Variants in PLD5 observed in about 807,000 individuals in gnomAD.
The protein encoded by PLD5 is inactive phospholipase D5.
In PLD5, 36 loss-of-function variants were observed where a neutral mutation model predicts 61.1. The ratio of observed to expected loss-of-function variants is 0.59; its 90% CI spans 0.45 to 0.78. PLD5 has a LOEUF of 0.78. Among genes scored for constraint, PLD5 ranks in the 30% least tolerant of loss-of-function variants. The pLI is 0.00. For missense variants in PLD5, 515 were observed against 644.4 expected (o/e 0.80, Z 2.17); for synonymous variants, 243 against 242.8 (o/e 1.00, Z -0.01).
chr1:242,333,915 T>A (rs1443502609), intron 2 of PLD5, among the ~76,000 whole-genome samples: 1 of 152,206 alleles, frequency 6.6e-6, no homozygotes, highest in Non-Finnish European at 1.5e-5. Flanking sequence ...AGAACTTAGG[T>A]TGATTGCATA....
At chr1:242,217,377 C>T (rs1670281586) in intron 5 of PLD5, among the ~76,000 whole-genome samples, 1 of 152,168 alleles carries the variant, frequency 6.6e-6, no homozygotes, top group Non-Finnish European at 1.5e-5. Flanking sequence ...AATCCCAGCA[C>T]TTTGGGAGGC....
At chr1:242,179,105 C>T (rs1667356222) in intron 5 of PLD5, among the ~76,000 whole-genome samples, 1 of 152,158 alleles carries the variant, frequency 6.6e-6, no homozygotes, top group South Asian at 2.1e-4. Flanking sequence ...TCATGCAGAG[C>T]AATGTGGGAG....
chr1:242,406,550 G>A (rs1468768037), intron 1 of PLD5, among the ~76,000 whole-genome samples: 1 of 152,194 alleles, frequency 6.6e-6, no homozygotes. Flanking sequence ...ACCATCTGTG[G>A]TCCAGGTTTC....
intron 1 of PLD5, among the ~76,000 whole-genome samples, chr1:242,414,659 A>G (rs973734237): frequency 6.6e-6 from 1 of 152,242 alleles, no homozygotes; most frequent in African/African-American, 2.4e-5. Context: ...ACTCGGATGT[A>G]AATAAATTAA....
At chr1:242,180,621 G>C (rs1667458749) in intron 5 of PLD5, among the ~76,000 whole-genome samples, 1 of 152,150 alleles carries the variant, frequency 6.6e-6, no homozygotes, top group South Asian at 2.1e-4. Context: ...CACCTGGACG[G>C]CTTGTTAGAA....
At chr1:242,111,334 G>A (rs1661482670) in intron 7 of PLD5, among the ~76,000 whole-genome samples, 1 of 152,180 alleles carries the variant, frequency 6.6e-6, no homozygotes, top group Non-Finnish European at 1.5e-5. Flanking sequence ...TGGGATTACA[G>A]ACGTGAGCCA....
intron 1 of PLD5, among the ~76,000 whole-genome samples, chr1:242,407,171 G>A (rs1277773021): frequency 6.6e-6 from 1 of 152,108 alleles, no homozygotes; most frequent in East Asian, 1.9e-4. Context: ...ATAAAGGGGA[G>A]TTTCCCTGCA....
rs1663310968 is a variant in PLD5, at chr1:242,394,705, CATATATGTGTATATATGTGAACAT to C, written c.190-46487_190-46464del. On this transcript the variant is annotated intron_variant, in intron 1 of 9. Transcript: ENST00000536534. The stretch of plus-strand genomic sequence containing the variant: ...GAACATATATGTGTATATATGTGAA[CATATATGTGTATATATGTGAACAT>C]ATATGTGTATATATGTGAACATATA... Among the ~76,000 whole-genome samples the C allele has an allele frequency of 7.7e-5, 2 of 25,866 alleles. 1 individual carries two copies. Among genetic ancestry groups the C allele is most frequent in the African/African-American group, 4.9e-4 (2 of 4,108 alleles). 17.0% of individuals were successfully genotyped at this position (25,866 alleles called of 152,430 possible).
At chr1:242,210,592 G>A (rs532022996) in intron 5 of PLD5, 1 of 152,442 alleles carries the variant, frequency 6.6e-6, no homozygotes, top group Non-Finnish European at 1.5e-5. Flanking sequence ...CTTGCCTTAA[G>A]TGATGGCATT....
At chr1:242,333,278 C>T (rs1420405306) in intron 2 of PLD5, among the ~76,000 whole-genome samples, 2 of 152,144 alleles carry the variant, frequency 1.3e-5, no homozygotes, top group African/African-American at 4.8e-5. Context: ...ATCTCCCAAC[C>T]CAAGGCTTCA....
At chr1:242,436,078 T>C (rs1187423038) in intron 1 of PLD5, among the ~76,000 whole-genome samples, 1 of 152,158 alleles carries the variant, frequency 6.6e-6, no homozygotes, top group African/African-American at 2.4e-5. Context: ...CTTACCCAAA[T>C]CCCCAGTGCA....
At chr1:242,098,098 T>C (rs6681236) in intron 9 of PLD5, among the ~76,000 whole-genome samples, 3,207 of 152,280 alleles carry the variant, frequency 0.021, 123 homozygotes, top group African/African-American at 0.073. Context: ...TGAATTTGAA[T>C]GTTGGCCTGC....
intron 1 of PLD5, among the ~76,000 whole-genome samples, chr1:242,379,877 GT>G (rs1363597425): frequency 6.6e-6 from 1 of 152,078 alleles, no homozygotes; most frequent in African/African-American, 2.4e-5. Flanking sequence ...CTATGACCCA[GT>G]TTACCTTTTA....
intron 1 of PLD5, among the ~76,000 whole-genome samples, chr1:242,463,595 C>G (rs1445270376): frequency 6.6e-6 from 1 of 152,132 alleles, no homozygotes; most frequent in East Asian, 1.9e-4. Context: ...ACAGACCACA[C>G]TGCCTTCTCT....
rs1190792510 is a variant in PLD5, at chr1:242,200,299, G to C, written c.735+19689C>G. Among the ~76,000 whole-genome samples, 6 of 152,156 alleles carry C rather than the reference G, an allele frequency of 3.9e-5. No homozygotes were observed. The East Asian group carries it at 9.6e-4, about 24-fold the overall frequency. ...CCTGCCTTGTGGACAGCTCTCACTT[G>C]TCTGGGCATGTTTTTCTCTCTGACT... On this transcript the variant is annotated intron_variant, in intron 5 of 9. Transcript: ENST00000536534.
At chr1:242,144,342 A>G (rs984516187) in intron 5 of PLD5, among the ~76,000 whole-genome samples, 1 of 152,166 alleles carries the variant, frequency 6.6e-6, no homozygotes, top group African/African-American at 2.4e-5. Flanking sequence ...GTATTAAGTG[A>G]AATAACATTA....
intron 3 of PLD5, among the ~76,000 whole-genome samples, chr1:242,269,628 C>T (rs949326577): frequency 2.6e-5 from 4 of 151,234 alleles, no homozygotes; most frequent in African/African-American, 4.9e-5. Context: ...AGGAGGTTGC[C>T]GGATGATTAA....
At chr1:242,278,036 T>G (rs1472133111) in intron 3 of PLD5, among the ~76,000 whole-genome samples, 1 of 152,220 alleles carries the variant, frequency 6.6e-6, no homozygotes, top group Non-Finnish European at 1.5e-5. Flanking sequence ...TATGAGCCTA[T>G]GTATACAAAT....
At chr1:242,396,329 A>T (rs768994591) in intron 1 of PLD5, among the ~76,000 whole-genome samples, 3 of 152,200 alleles carry the variant, frequency 2.0e-5, no homozygotes, top group African/African-American at 2.4e-5. Flanking sequence ...GTGAGAAAAA[A>T]TTGTTGGACA....
Sources: allele counts gnomAD v4.1 joint callset (sites outside exome capture counted in the v4.1 genomes callset), GRCh38; gene constraint gnomAD v4.1.1; transcripts MANE v1.5; gene names NCBI Gene and HGNC (gene_info 2026-07-23, HGNC 2026-07-21).